Variants in POGZ observed in about 807,000 individuals in gnomAD.
The protein encoded by POGZ is pogo transposable element with ZNF domain.
In POGZ, 17 loss-of-function variants were observed where a neutral mutation model predicts 134.6. The ratio of observed to expected loss-of-function variants is 0.13; its 90% confidence interval spans 0.09 to 0.19. POGZ has a LOEUF of 0.19. Among genes scored for constraint, POGZ ranks in the 10% least tolerant of loss-of-function variants. POGZ has a pLI of 1.00. For missense variants in POGZ, 1,306 were observed against 1,769.7 expected, an observed-to-expected ratio of 0.74 and a Z score of 4.70; for synonymous variants, 693 against 657.1, an observed-to-expected ratio of 1.05 and a Z score of -0.84.
chr1:151,447,861 T>C (rs1661497973), intron 1 of POGZ, among the ~76,000 whole-genome samples: 1 of 151,990 alleles, frequency 6.6e-6, no homozygotes, highest in Admixed American at 6.6e-5. Flanking sequence ...AGTGGGAACG[T>C]CTTCAGTTGG....
At chr1:151,407,175 A>C in intron 16 of POGZ, 60 bp downstream of exon 16, 1 of 1,359,540 alleles carries the variant, frequency 7.4e-7, no homozygotes, top group Non-Finnish European at 1.0e-6. Context: ...ATAATGAAAA[A>C]CCTGAAAATT....
At chr1:151,420,242 A>G (rs1000661253) in intron 10 of POGZ, among the ~76,000 whole-genome samples, 2 of 152,194 alleles carry the variant, frequency 1.3e-5, no homozygotes, top group African/African-American at 4.8e-5. Flanking sequence ...CTGGCTTCAC[A>G]TTACTGACAG....
At chr1:151,448,775 G>C (rs940767952) in intron 1 of POGZ, among the ~76,000 whole-genome samples, 2 of 152,140 alleles carry the variant, frequency 1.3e-5, no homozygotes, top group African/African-American at 2.4e-5. Flanking sequence ...TGAGGTGGGA[G>C]AATCTCTTAA....
chr1:151,421,060 T>A (rs906299351), intron 10 of POGZ, among the ~76,000 whole-genome samples: 3 of 150,248 alleles, frequency 2.0e-5, no homozygotes, highest in African/African-American at 7.3e-5. Flanking sequence ...CAATTAAAAA[T>A]ATATAATATA....
intron 1 of POGZ, 22 bp from the exon 2 acceptor site, chr1:151,442,227 A>G (rs1196687326): frequency 1.9e-6 from 3 of 1,607,436 alleles, no homozygotes; most frequent in Non-Finnish European, 2.5e-6. Context: ...ACATTCAAAT[A>G]AGATATGGGC....
intron 1 of POGZ, among the ~76,000 whole-genome samples, chr1:151,446,098 A>G (rs1304515366): frequency 4.1e-5 from 6 of 146,916 alleles, no homozygotes; most frequent in Non-Finnish European, 9.0e-5. Context: ...CAGCCTTTCA[A>G]CTGTTTTTGA....
intron 18 of POGZ, 22 bp from the exon 19 acceptor site, chr1:151,406,486 A>AG (rs1653656192): frequency 1.3e-6 from 2 of 1,556,084 alleles, no homozygotes; most frequent in East Asian, 4.5e-5. Context: ...AGGAGCAAAG[A>AG]GAAGAGGAGA....
rs1166052309 is a variant in POGZ at position 151,403,064 on chromosome 1, G to C, written c.*1738C>G. 3 of 209,762 alleles carry C rather than the reference G, an allele frequency of 1.4e-5. No individual in the cohort carries two copies. Among genetic ancestry groups the C allele is most frequent in the African/African-American group, 2.4e-5 (1 of 42,404 alleles). The allele number at this position is 209,762 out of a possible 1,614,324, so 13.0% of individuals were successfully genotyped here. A position where few individuals can be genotyped will look rare whatever the true frequency, so the allele number is the denominator to read the frequency against. On this transcript the variant is annotated 3_prime_UTR_variant, in exon 19 of 19. Coordinates refer to ENST00000271715, the MANE Select transcript of POGZ (RefSeq NM_015100.4). Reference sequence around the variant, plus strand: ...AAAGTCCATTGTCTGTCAATAAAATGGCATCAGGCAAAAAGCTGGGGAAGA... The same window carrying C: ...AAAGTCCATTGTCTGTCAATAAAATCGCATCAGGCAAAAAGCTGGGGAAGA...
intron 3 of POGZ, 137 bp from the exon 4 acceptor site, chr1:151,430,978 C>T (rs1658601893): frequency 4.1e-6 from 2 of 492,006 alleles, no homozygotes; most frequent in Non-Finnish European, 3.0e-6. Context: ...CTCTGTCACC[C>T]AGGCTGGAGC....
Position 151,427,912 on chromosome 1 carries a change from A to C in POGZ, c.989T>G (p.Leu330Arg). 1 of 1,614,106 alleles carries C rather than the reference A, an allele frequency of 6.2e-7. No individual in the cohort carries two copies. Among genetic ancestry groups the C allele is most frequent in the Non-Finnish European group, 8.5e-7 (1 of 1,179,958 alleles). Residue 330 changes from leucine (L) to arginine (R), a missense_variant, in exon 7 of 19, where the codon CTG becomes CGG. Transcript: ENST00000271715. Reference protein sequence around the residue: ...LVNTLNTIPSLGQSPGPVVVS... With the variant: ...LVNTLNTIPSRGQSPGPVVVS... ...CACCACTGGCCCAGGACTCTGGCCC[A>C]GGGAAGGGATGGTGTTAAGGGTATT...
rs1658043855 is a variant in POGZ at position 151,427,886 on chromosome 1, C to T, written c.1015G>A (p.Val339Met). 1.2e-5 allele frequency: 20 copies of T among 1,614,162 alleles called. No individual in the cohort carries two copies. The highest frequency in any genetic ancestry group is 1.6e-5 in the Non-Finnish European group (19 of 1,180,016). The change falls in exon 7 of 19, where the codon GTG (valine) becomes ATG (methionine). Residue 339 changes from valine to methionine, a missense_variant. Around this residue, in one of 10 missense-constraint regions of POGZ, gnomAD observed 541 missense variants for 680.5 expected, o/e 0.80. Transcript: ENST00000271715. Reference sequence around the variant, plus strand: ...CCATGAGCAGAGCTGTTGTTGGACACCACCACTGGCCCAGGACTCTGGCCC... The same window carrying T: ...CCATGAGCAGAGCTGTTGTTGGACATCACCACTGGCCCAGGACTCTGGCCC... ...SLGQSPGPVV[V>M]SNNSSAHGSQ...
chr1:151,424,335 G>A (rs1430664684), intron 8 of POGZ, 49 bp from the exon 9 acceptor site: 2 of 1,170,394 alleles, frequency 1.7e-6, no homozygotes, highest in Non-Finnish European at 2.4e-6. Flanking sequence ...GGGCTAGAAT[G>A]TGCTAACTCC....
At chr1:151,443,071 C>T (rs1660782457) in intron 1 of POGZ, among the ~76,000 whole-genome samples, 1 of 152,032 alleles carries the variant, frequency 6.6e-6, no homozygotes, top group South Asian at 2.1e-4. Context: ...ATACCCAGGG[C>T]CAGGGTTAGG....
chr1:151,425,089 A>G lies in POGZ; in HGVS notation c.1079-28T>C, dbSNP rs747621323. On this transcript the variant is annotated intron_variant, in intron 7 of 18. Transcript: ENST00000271715. ...GAAAGAAGTGAGAAGAATTGATAAG[A>G]TTAATACAATGACACTGGAAAAAGA... 3.5e-6 allele frequency: 4 copies of G among 1,139,570 alleles called. No individual in the cohort carries two copies. In the African/African-American group the frequency reaches 4.6e-5, roughly 13 times the overall value. The allele number at this position is 1,139,570 out of a possible 1,614,324, so 70.6% of individuals were successfully genotyped here.
At chr1:151,425,554 C>T (rs968289071) in intron 7 of POGZ, among the ~76,000 whole-genome samples, 15 of 152,160 alleles carry the variant, frequency 9.9e-5, no homozygotes, top group Non-Finnish European at 1.9e-4. Flanking sequence ...TCAACTTTGT[C>T]TCTATGAATT....
chr1:151,404,140 T>C lies in POGZ; in HGVS notation c.*662A>G, dbSNP rs1365341791. On this transcript the variant is annotated 3_prime_UTR_variant, in exon 19 of 19. Coordinates refer to ENST00000271715, the MANE Select transcript of POGZ (RefSeq NM_015100.4). ...ATTTTTAAAGCCACAATTTTATATC[T>C]AGGGTTGCTGTAGAAACCAACATCT... 1 of 985,400 alleles carries C rather than the reference T, an allele frequency of 1.0e-6. No individual in the cohort carries two copies. The highest frequency in any genetic ancestry group is 1.7e-5 in the African/African-American group (1 of 57,328). The allele number at this position is 985,400 out of a possible 1,614,324, so 61.0% of individuals were successfully genotyped here. A position where few individuals can be genotyped will look rare whatever the true frequency, so the allele number is the denominator to read the frequency against.
chr1:151,433,606 CAAAAAAAAAAA>C (rs57509550), intron 3 of POGZ, among the ~76,000 whole-genome samples: 1 of 81,738 alleles, frequency 1.2e-5, no homozygotes, highest in Non-Finnish European at 2.3e-5. Context: ...AATTCCGTCT[CAAAAAAAAAAA>C]AAAAAAAAAA....
intron 3 of POGZ, among the ~76,000 whole-genome samples, chr1:151,439,701 A>T (rs185638559): frequency 2.4e-4 from 36 of 152,142 alleles, no homozygotes; most frequent in African/African-American, 8.5e-4. Flanking sequence ...CAAACTAAAA[A>T]CCATACTCTC....
intron 1 of POGZ, 108 bp from the exon 2 acceptor site, chr1:151,442,313 A>C: frequency 1.2e-6 from 1 of 857,868 alleles, no homozygotes; most frequent in Admixed American, 2.6e-5. Context: ...ACCTCCTTGG[A>C]CTCCTTTATC....
Sources: gnomAD v4.1 joint callset for allele counts (sites outside exome capture counted in the v4.1 genomes callset) on GRCh38, gnomAD v4.1.1 for gene constraint, gnomAD v4.1.1 regional missense constraint, MANE v1.5 for transcripts, NCBI Gene and HGNC (gene_info 2026-07-23, HGNC 2026-07-21) for gene names.